STRN: variants seen among roughly 807,000 people sequenced by gnomAD.
STRN encodes striatin, also known as protein phosphatase 2 regulatory subunit B'''alpha.
A neutral mutation model predicts 96.3 loss-of-function variants in STRN; 53 were observed. The observed-to-expected ratio is 0.55, with a 90% CI of 0.44 to 0.69. The LOEUF (loss-of-function observed/expected upper bound fraction) is 0.69, where lower values mean the gene tolerates loss of function less well. Ranked by LOEUF, STRN falls within the 30% of genes least tolerant of loss-of-function variation. STRN has a pLI of 0.00. For missense variants in STRN, 987 were observed against 963.9 expected (o/e 1.02, Z -0.32); for synonymous variants, 428 against 355.9 (o/e 1.20, Z -2.28).
intron 10 of STRN, among the ~76,000 whole-genome samples, chr2:36,875,389 C>A (rs899838659): frequency 6.6e-6 from 1 of 151,448 alleles, no homozygotes; most frequent in Non-Finnish European, 1.5e-5. Flanking sequence ...ACCTATGGTC[C>A]CAGCTACTTG....
chr2:36,961,419 C>T (rs915331886), intron 1 of STRN, among the ~76,000 whole-genome samples: 2 of 152,116 alleles, frequency 1.3e-5, no homozygotes, highest in African/African-American at 2.4e-5. Context: ...TGAGCCACTG[C>T]ACCTGGCCCT....
At chr2:36,930,174 G>A (rs1045828127) in intron 1 of STRN, among the ~76,000 whole-genome samples, 1 of 152,148 alleles carries the variant, frequency 6.6e-6, no homozygotes, top group African/African-American at 2.4e-5. Context: ...GTTCATGCCT[G>A]TAATCCCAGC....
intron 8 of STRN, among the ~76,000 whole-genome samples, chr2:36,886,445 T>A (rs1286248498): frequency 1.3e-5 from 2 of 152,216 alleles, no homozygotes; most frequent in East Asian, 1.9e-4. Flanking sequence ...ATCACTGTGT[T>A]TGAATACATA....
At chr2:36,931,354 G>A (rs1670570152) in intron 1 of STRN, among the ~76,000 whole-genome samples, 2 of 152,152 alleles carry the variant, frequency 1.3e-5, no homozygotes. Flanking sequence ...CTGCTGTAAA[G>A]GAGAATATAG....
Position 36,899,600 on chromosome 2 carries a change from C to T in STRN, c.718G>A (p.Ala240Thr). ...TCTTCATCACTGAAATCTGCAGCTG[C>T]ACTTTCAAGGAATTTGAAATTATCC... ...VLDNFKFLES[A>T]AADFSDEDED... The change falls in exon 6 of 18, where the codon GCA (alanine) becomes ACA (threonine). Residue 240 changes from alanine to threonine, a missense_variant. Transcript: ENST00000263918. 2 of 1,613,648 alleles carry T rather than the reference C, an allele frequency of 1.2e-6. No homozygotes were observed. The highest frequency in any genetic ancestry group is 1.1e-5 in the South Asian group (1 of 90,994).
At chr2:36,942,629 T>A (rs114259665) in intron 1 of STRN, among the ~76,000 whole-genome samples, 1 of 152,194 alleles carries the variant, frequency 6.6e-6, no homozygotes, top group Non-Finnish European at 1.5e-5. Context: ...CAATTGACAA[T>A]ACCACGAACA....
chr2:36,928,128 C>A (rs1670464914), intron 1 of STRN, among the ~76,000 whole-genome samples: 1 of 151,658 alleles, frequency 6.6e-6, no homozygotes, highest in African/African-American at 2.4e-5. Flanking sequence ...AAACACATTC[C>A]TACATAAAAA....
chr2:36,894,655 A>G (rs1360690843), intron 6 of STRN, among the ~76,000 whole-genome samples: 1 of 152,250 alleles, frequency 6.6e-6, no homozygotes, highest in Admixed American at 6.5e-5. Context: ...TTTTCTTTGA[A>G]TAAGATTTCA....
chr2:36,915,268 T>G (rs1321617923), intron 3 of STRN, among the ~76,000 whole-genome samples: 4 of 117,162 alleles, frequency 3.4e-5, no homozygotes, highest in African/African-American at 1.4e-4. Flanking sequence ...TATATATATA[T>G]ATATAAAGCC....
intron 3 of STRN, among the ~76,000 whole-genome samples, chr2:36,914,129 A>T (rs925653041): frequency 2.6e-5 from 4 of 152,150 alleles, no homozygotes; most frequent in Non-Finnish European, 4.4e-5. Flanking sequence ...AGCTAGGACT[A>T]CAGACATGTG....
At chr2:36,869,524 T>G in intron 11 of STRN, 30 bp downstream of exon 11, 1 of 1,444,960 alleles carries the variant, frequency 6.9e-7, no homozygotes, top group South Asian at 1.5e-5. Flanking sequence ...CTTAAAATAT[T>G]CAAATAATGT....
intron 1 of STRN, among the ~76,000 whole-genome samples, chr2:36,928,762 G>A (rs1330796530): frequency 6.6e-6 from 1 of 151,420 alleles, no homozygotes; most frequent in Non-Finnish European, 1.5e-5. Context: ...GACCAAGATG[G>A]TGAAACCCCA....
intron 12 of STRN, among the ~76,000 whole-genome samples, chr2:36,862,740 CT>C (rs201207436): frequency 0.053 from 7,699 of 144,110 alleles, 303 homozygotes; most frequent in East Asian, 0.13. Flanking sequence ...TGTTTTTATT[CT>C]TTTTTTTTTT....
chr2:36,863,017 C>G (rs1287493536), intron 12 of STRN, among the ~76,000 whole-genome samples: 1 of 152,176 alleles, frequency 6.6e-6, no homozygotes, highest in African/African-American at 2.4e-5. Flanking sequence ...GCCACCGCAC[C>G]TGGCCTGCTT....
intron 4 of STRN, among the ~76,000 whole-genome samples, chr2:36,903,337 G>A (rs1009333403): frequency 5.3e-5 from 8 of 152,220 alleles, no homozygotes; most frequent in Admixed American, 2.0e-4. Context: ...CAAAAAAAGA[G>A]CAAAGGCTTT....
chr2:36,873,016 T>A (rs938647555), intron 10 of STRN, among the ~76,000 whole-genome samples: 18 of 151,798 alleles, frequency 1.2e-4, no homozygotes, highest in Admixed American at 3.3e-4. Context: ...TCTGACAGAT[T>A]TGAAGTGTCA....
chr2:36,861,096 A>G (rs776250348), intron 13 of STRN, 36 bp downstream of exon 13: 2 of 1,601,008 alleles, frequency 1.2e-6, no homozygotes, highest in East Asian at 2.2e-5. Flanking sequence ...TTAAAAAACC[A>G]ATTTTATTCC....
intron 12 of STRN, among the ~76,000 whole-genome samples, chr2:36,864,140 CCTTTT>C (rs968638821): frequency 3.3e-5 from 5 of 152,082 alleles, no homozygotes; most frequent in Non-Finnish European, 5.9e-5. Flanking sequence ...TATTTGAATG[CCTTTT>C]CTTTTCCTTG....
intron 8 of STRN, among the ~76,000 whole-genome samples, chr2:36,886,511 A>AT: frequency 6.6e-6 from 1 of 152,198 alleles, no homozygotes; most frequent in East Asian, 1.9e-4. Flanking sequence ...ACATGATTCC[A>AT]TAAGTACATG....
Sources: gnomAD v4.1 joint callset for allele counts (sites outside exome capture counted in the v4.1 genomes callset) on GRCh38, gnomAD v4.1.1 for gene constraint, MANE v1.5 for transcripts, NCBI Gene and HGNC (gene_info 2026-07-23, HGNC 2026-07-21) for gene names.